The following P2RX5 variants were observed in gnomAD, a reference collection of about 807,000 sequenced individuals.
P2RX5 encodes purinergic receptor P2X 5.
P2RX5 carries 46 observed loss-of-function variants against 54.1 expected under a neutral mutation model. That is an observed-to-expected ratio of 0.85 (90% CI 0.67 to 1.09). The LOEUF (loss-of-function observed/expected upper bound fraction) is 1.09. Ranked by LOEUF, P2RX5 falls within the 50% of genes least tolerant of loss-of-function variation. P2RX5 has a pLI of 0.00. For missense variants in P2RX5, 566 were observed against 549.8 expected, an observed-to-expected ratio of 1.03 and a Z score of -0.29; for synonymous variants, 226 against 226.4, an observed-to-expected ratio of 1.00 and a Z score of 0.02.
At chr17:3,696,980 C>T (rs1343925737), upstream of P2RX5, among the ~76,000 whole-genome samples, 3 of 152,072 alleles carry the variant, frequency 2.0e-5, no homozygotes, top group Non-Finnish European at 4.4e-5. Flanking sequence ...CAAGACTTGT[C>T]CCACCTGAGG....
chr17:3,680,144 TGAGTCCTCCATCCGGTGTCCTCCAC>T (rs2050210588), intron 10 of P2RX5, among the ~76,000 whole-genome samples: 1 of 111,848 alleles, frequency 8.9e-6, no homozygotes, highest in Non-Finnish European at 1.8e-5. Flanking sequence ...TCCTCCACCC[TGAGTCCTCCATCCGGTGTCCTCCAC>T]CCTGCATCCT....
At chr17:3,682,160 G>C (rs2050302472) in intron 9 of P2RX5, 182 bp from the exon 10 acceptor site, 1 of 646,832 alleles carries the variant, frequency 1.5e-6, no homozygotes, top group Non-Finnish European at 2.8e-6. Context: ...GCTGGTCCAT[G>C]GTGGAGCTCA....
the P2RX5 span, among the ~76,000 whole-genome samples, chr17:3,703,183 G>T: frequency 6.6e-6 from 1 of 152,074 alleles, no homozygotes; most frequent in Non-Finnish European, 1.5e-5. Context: ...TTAGAGACAG[G>T]GGAATTACTC....
chr17:3,721,026 T>C, the P2RX5 span, among the ~76,000 whole-genome samples: 1 of 152,080 alleles, frequency 6.6e-6, no homozygotes, highest in Non-Finnish European at 1.5e-5. Context: ...CCTTCCAGGC[T>C]CAAGTGATCC....
chr17:3,719,904 T>A, the P2RX5 span, among the ~76,000 whole-genome samples: 1 of 152,106 alleles, frequency 6.6e-6, no homozygotes, highest in African/African-American at 2.4e-5. Flanking sequence ...ATTTTTGTAT[T>A]TTTGGTAGAC....
At chr17:3,691,167 C>T (rs2050606218) in intron 2 of P2RX5, 140 bp from the exon 3 acceptor site, 3 of 685,150 alleles carry the variant, frequency 4.4e-6, no homozygotes, top group Non-Finnish European at 7.9e-6. Flanking sequence ...ATACTCTGCC[C>T]ATCTGCTCAT....
chr17:3,689,394 C>T (rs1339441364), intron 7 of P2RX5, 98 bp downstream of exon 7: 1 of 1,409,894 alleles, frequency 7.1e-7, no homozygotes, highest in African/African-American at 1.4e-5. Flanking sequence ...CAGGGCCACC[C>T]TCGCCCCACG....
At chr17:3,723,653 G>A in the P2RX5 span, 2 of 1,544,820 alleles carry the variant, frequency 1.3e-6, no homozygotes, top group South Asian at 1.2e-5. Context: ...CAGGCCCTCC[G>A]CCCTCCCCTG....
the P2RX5 span, among the ~76,000 whole-genome samples, chr17:3,710,739 C>G: frequency 1.3e-5 from 2 of 151,150 alleles, no homozygotes; most frequent in Admixed American, 1.3e-4. Context: ...ACCAGCCTGG[C>G]CGACATGGTG....
chr17:3,714,436 T>C, the P2RX5 span, among the ~76,000 whole-genome samples: 79,818 of 149,638 alleles, frequency 0.53, 21,895 homozygotes, highest in African/African-American at 0.65. Context: ...CCATGTTGGC[T>C]AGGATAGTCT....
Position 3,673,694 on chromosome 17 carries a change from A to G in P2RX5, c.*174T>C. On this transcript the variant is annotated 3_prime_UTR_variant, in exon 12 of 12. Transcript: ENST00000225328. ...ATGGGTCCGTCCTGATGACCCCAGC[A>G]TCAGACGTGGAGGTCACTTTGCTCT... is the stretch of plus-strand genomic sequence containing the variant. The G allele has an allele frequency of 1.3e-6, 2 of 1,548,476 alleles. No homozygotes were observed. Among genetic ancestry groups the G allele is most frequent in the Admixed American group, 1.9e-5 (1 of 53,070 alleles).
In P2RX5 at chr17:3,688,078, G is replaced by A. The variant is rs1388509484; in HGVS notation, c.915C>T (p.Ala305=). ...TCATCAGGGTGCGGAACTCCACCCC[G>A]GCTGCGTCTCGGTAATATCTGGCAA... ...FRFARYYRDA[A]GVEFRTLMKA... Residue 305 remains alanine, a synonymous_variant, in exon 9 of 12, where the codon GCC becomes GCT. Transcript: ENST00000225328. 4.4e-6 allele frequency: 7 copies of A among 1,602,038 alleles called. No individual in the cohort carries two copies. Among genetic ancestry groups the A allele is most frequent in the African/African-American group, 2.7e-5 (2 of 73,876 alleles).
chr17:3,702,717 C>T, the P2RX5 span, among the ~76,000 whole-genome samples: 2 of 152,202 alleles, frequency 1.3e-5, no homozygotes, highest in African/African-American at 4.8e-5. Context: ...AGAACTGTAA[C>T]ACTCACCACG....
At chr17:3,709,817 G>A in the P2RX5 span, among the ~76,000 whole-genome samples, 88 of 152,270 alleles carry the variant, frequency 5.8e-4, no homozygotes, top group African/African-American at 2.1e-3. Context: ...GCTGAGGCAG[G>A]AGAATCGCTT....
chr17:3,690,264 C>T, intron 5 of P2RX5, 114 bp from the exon 6 acceptor site: 2 of 1,210,576 alleles, frequency 1.7e-6, no homozygotes, highest in Non-Finnish European at 1.2e-6. Context: ...CTGCCCAGGA[C>T]AGTTAATTTG....
chr17:3,691,637 C>G lies in P2RX5; in HGVS notation c.288+7G>C, dbSNP rs1417112365. 2.5e-6 allele frequency: 4 copies of G among 1,614,052 alleles called. No homozygotes were observed. In the Admixed American group the frequency reaches 6.7e-5, roughly 27 times the overall value. ...GCCTTGGCCGTGTGCTAGGTGGGGA[C>G]TCAGACCTGGGCTGGAATGACGTAG... On this transcript the variant is annotated splice_region_variant and intron_variant, in intron 2 of 11. Coordinates refer to ENST00000225328, the MANE Select transcript of P2RX5 (RefSeq NM_002561.4).
the P2RX5 span, among the ~76,000 whole-genome samples, chr17:3,707,237 T>C: frequency 6.6e-6 from 1 of 152,106 alleles, no homozygotes; most frequent in African/African-American, 2.4e-5. Context: ...ACTGTAGAAT[T>C]CGACTTTTCT....
the P2RX5 span, chr17:3,714,809 A>G: frequency 8.2e-7 from 1 of 1,215,678 alleles, no homozygotes; most frequent in Non-Finnish European, 1.2e-6. Flanking sequence ...TCCAAGTCCC[A>G]GGACTGGCTG....
At chr17:3,720,395 T>C in the P2RX5 span, 1 of 1,456,856 alleles carries the variant, frequency 6.9e-7, no homozygotes, top group African/African-American at 1.4e-5. Context: ...AGTTACATCT[T>C]TTAGTAACTA....
Sources: gnomAD v4.1 joint callset for allele counts (sites outside exome capture counted in the v4.1 genomes callset) on GRCh38, gnomAD v4.1.1 for gene constraint, MANE v1.5 for transcripts, NCBI Gene and HGNC (gene_info 2026-07-23, HGNC 2026-07-21) for gene names.